PPFIA3: variants seen among roughly 807,000 people sequenced by gnomAD.
PPFIA3 encodes the protein liprin-alpha-3.
PPFIA3 carries 26 observed loss-of-function variants against 145.8 expected under a neutral mutation model. The ratio of observed to expected loss-of-function variants is 0.18; its 90% CI spans 0.13 to 0.25. The LOEUF (loss-of-function observed/expected upper bound fraction) is 0.25. Among genes scored for constraint, PPFIA3 ranks in the 10% least tolerant of loss-of-function variants. The pLI, the probability that PPFIA3 is intolerant of heterozygous loss-of-function variation, is 1.00. For missense variants in PPFIA3, 1,008 were observed against 1,587.8 expected (o/e 0.63, Z 6.21); for synonymous variants, 645 against 661.4 (o/e 0.98, Z 0.38).
At chr19:49,143,978 G>T (rs1177164017) in intron 21 of PPFIA3, among the ~76,000 whole-genome samples, 3 of 151,950 alleles carry the variant, frequency 2.0e-5, no homozygotes, top group South Asian at 2.1e-4. Context: ...TGCCTAAAAA[G>T]AATTTTATAC....
intron 11 of PPFIA3, 67 bp from the exon 12 acceptor site, chr19:49,134,572 G>A: frequency 1.4e-6 from 2 of 1,450,854 alleles, no homozygotes; most frequent in Non-Finnish European, 1.9e-6. Flanking sequence ...TGCACTGGGA[G>A]CTGCCTGCAG....
chr19:49,127,399 A>AAT (rs2041014080), intron 1 of PPFIA3, among the ~76,000 whole-genome samples: 1 of 150,134 alleles, frequency 6.7e-6, no homozygotes. Flanking sequence ...AAAAAAAAAA[A>AAT]AAAAAAAAGA....
chr19:49,129,943 C>G, intron 5 of PPFIA3, 50 bp from the exon 6 acceptor site: 2 of 1,584,076 alleles, frequency 1.3e-6, no homozygotes, highest in Non-Finnish European at 1.7e-6. Context: ...AGAACTAGAG[C>G]TGGGGGTTCA....
Position 49,130,421 on chromosome 19 carries a change from G to A in PPFIA3, c.701G>A (p.Arg234His), listed in dbSNP as rs1235277654. ...GLGPGGDSNR[R>H]TAELEEALER... ...GGTCCTGGCGGGGATTCCAACCGGC[G>A]CACAGCAGAGCTGGAGGAGGCCCTG... Residue 234 changes from arginine to histidine, a missense_variant, in exon 7 of 30, where the codon CGC becomes CAC. Arg to His is a conservative substitution (Grantham distance 29). Coordinates refer to ENST00000334186, the MANE Select transcript of PPFIA3 (RefSeq NM_003660.4). The surrounding 1 kb of genome is among the most constrained non-coding windows in gnomAD (Gnocchi z 4.5). 9.3e-6 allele frequency: 15 copies of A among 1,610,448 alleles called. No individual in the cohort carries two copies. The Admixed American group carries it at 1.8e-4, about 20-fold the overall frequency.
rs1043782915 is a variant in PPFIA3, at chr19:49,133,503, C to T, written c.1161+132C>T. 8.5e-7 allele frequency: 1 copy of T among 1,173,668 alleles called. No individual in the cohort carries two copies. The highest frequency in any genetic ancestry group is 1.2e-6 in the Non-Finnish European group (1 of 861,596). 72.7% of individuals were successfully genotyped at this position (1,173,668 alleles called of 1,614,324 possible). A position where few individuals can be genotyped will look rare whatever the true frequency, so the allele number is the denominator to read the frequency against. Reference sequence around the variant, plus strand: ...TGGGGGAAAGGGTGGGGCCTAGGGGCTGGGAAAGGGACAGGACTTGGAATG... The same window carrying T: ...TGGGGGAAAGGGTGGGGCCTAGGGGTTGGGAAAGGGACAGGACTTGGAATG... On this transcript the variant is annotated intron_variant, in intron 9 of 29. Coordinates refer to ENST00000334186, the MANE Select transcript of PPFIA3 (RefSeq NM_003660.4). This position sits in a 1 kb window ranked among gnomAD's most constrained non-coding sequence, Gnocchi z 7.2.
At chr19:49,139,611 G>A (rs1028758592) in intron 16 of PPFIA3, 57 bp from the exon 17 acceptor site, 2 of 1,503,790 alleles carry the variant, frequency 1.3e-6, no homozygotes, top group East Asian at 4.6e-5. Flanking sequence ...CAGTTAATAA[G>A]GAGCCCCCGA....
In PPFIA3 at chr19:49,149,099, C is replaced by A. The variant is rs750188307; in HGVS notation, c.3216C>A (p.Leu1072=). Residue 1072 remains leucine (L), a synonymous_variant, in exon 26 of 30, where the codon CTC becomes CTA. Coordinates refer to ENST00000334186, the MANE Select transcript of PPFIA3 (RefSeq NM_003660.4). The surrounding 1 kb of genome is among the most constrained non-coding windows in gnomAD (Gnocchi z 5.7). The stretch of plus-strand genomic sequence containing the variant: ...AGAGCGGGGTACACGGGGCACTGCT[C>A]GCCCTGGACGAGACCTTCGACTACT... The part of the protein sequence containing the change: ...LTESGVHGAL[L]ALDETFDYSD... The A allele has an allele frequency of 6.2e-7, 1 of 1,614,158 alleles. No individual in the cohort carries two copies. Among genetic ancestry groups the A allele is most frequent in the South Asian group, 1.1e-5 (1 of 91,078 alleles).
intron 13 of PPFIA3, 111 bp downstream of exon 13, chr19:49,135,026 G>GTTTTT: frequency 1.3e-6 from 1 of 796,550 alleles, no homozygotes; most frequent in Non-Finnish European, 1.8e-6. Flanking sequence ...TGACCCCTCT[G>GTTTTT]TTTTTGTTTT....
chr19:49,133,641 G>T lies in PPFIA3; in HGVS notation c.1162-155G>T, dbSNP rs58971998. Among the ~76,000 whole-genome samples, 44 of 152,202 alleles carry T rather than the reference G, an allele frequency of 2.9e-4. No homozygotes were observed. Among genetic ancestry groups the T allele is most frequent in the African/African-American group, 7.2e-4 (30 of 41,520 alleles). On this transcript the variant is annotated intron_variant, in intron 9 of 29. Transcript: ENST00000334186. The surrounding 1 kb of genome is among the most constrained non-coding windows in gnomAD (Gnocchi z 7.2). The stretch of plus-strand genomic sequence containing the variant: ...GGGAAGGAACAGGTCCTGAAAAAGT[G>T]GACTAGGCGCAGGGGCGGGGCCTGA...
Position 49,130,041 on chromosome 19 carries a change from G to A in PPFIA3, c.631G>A (p.Glu211Lys), listed in dbSNP as rs1288466451. The A allele has an allele frequency of 6.2e-7, 1 of 1,613,280 alleles. No homozygotes were observed. The stretch of plus-strand genomic sequence containing the variant: ...GTCTAGGCGGCGGTCAGGGCTGGAA[G>A]AGCCGGGCAAGGATGGGGATGGGCA... Reference protein sequence around the residue: ...QLSRRRSGLEEPGKDGDGQTL... With the variant: ...QLSRRRSGLEKPGKDGDGQTL... Residue 211 changes from glutamate to lysine, a missense_variant, in exon 6 of 30, where the codon GAG becomes AAG. This residue lies in a region of PPFIA3 where 136 missense variants were observed against 160.7 expected (regional missense o/e 0.85). Transcript: ENST00000334186. This position sits in a 1 kb window ranked among gnomAD's most constrained non-coding sequence, Gnocchi z 4.5.
Position 49,138,087 on chromosome 19 carries a change from C to G in PPFIA3, c.1854-118C>G, listed in dbSNP as rs991477195. 1.0e-5 allele frequency: 14 copies of G among 1,406,022 alleles called. No homozygotes were observed. The African/African-American group carries it at 1.7e-4, about 18-fold the overall frequency. The allele number at this position is 1,406,022 out of a possible 1,614,324, so 87.1% of individuals were successfully genotyped here. ...CCACCAAAGTCCTCTGACGTCATTG[C>G]ACCGTCCCCAGAATTCCCATTGCCC... On this transcript the variant is annotated intron_variant, in intron 15 of 29. Transcript: ENST00000334186.
At chr19:49,137,628 C>CAAAAAAAAAAAAAAAAAAAAAAAAA (rs3032695) in intron 15 of PPFIA3, among the ~76,000 whole-genome samples, 25 of 43,784 alleles carry the variant, frequency 5.7e-4, no homozygotes, top group East Asian at 9.3e-4. Context: ...GACTCCGTGT[C>CAAAAAAAAAAAAAAAAAAAAAAAAA]AAAAAAAAAA....
At chr19:49,136,055 C>G (rs1261903160) in intron 14 of PPFIA3, 132 bp downstream of exon 14, 17 of 1,075,572 alleles carry the variant, frequency 1.6e-5, no homozygotes, top group Admixed American at 1.1e-4. Context: ...ATCCACTCAC[C>G]CTTTCTTCTC....
chr19:49,141,569 A>C, intron 19 of PPFIA3, 56 bp downstream of exon 19: 1 of 1,423,440 alleles, frequency 7.0e-7, no homozygotes, highest in Middle Eastern at 1.8e-4. Context: ...AGAGTGTGTG[A>C]GGGTGTGTGT....
At chr19:49,145,878 A>C (rs1600351172) in intron 21 of PPFIA3, 65 bp from the exon 22 acceptor site, 2 of 1,422,434 alleles carry the variant, frequency 1.4e-6, no homozygotes, top group Non-Finnish European at 9.9e-7. Flanking sequence ...TCAGGAGGAC[A>C]CCCTCCTTCC....
chr19:49,134,073 C>A lies in PPFIA3; in HGVS notation c.1285C>A (p.Arg429=). Residue 429 remains arginine, a synonymous_variant, in exon 11 of 30, where the codon CGG becomes AGG. Transcript: ENST00000334186. The stretch of plus-strand genomic sequence containing the variant: ...GAAGATGAACGATGACCACAATAAG[C>A]GGCTGTCCGAGACGGTGGACAAGCT... ...REKMNDDHNK[R]LSETVDKLLS... is the part of the protein sequence containing the mutation. 1 of 1,613,636 alleles carries A rather than the reference C, an allele frequency of 6.2e-7. No homozygotes were observed. Among genetic ancestry groups the A allele is most frequent in the Non-Finnish European group, 8.5e-7 (1 of 1,179,824 alleles).
rs1327691357 is a variant in PPFIA3 at position 49,128,074 on chromosome 19, G to A, written c.201G>A (p.Lys67=). 1.9e-6 allele frequency: 3 copies of A among 1,590,930 alleles called. No homozygotes were observed. Among genetic ancestry groups the A allele is most frequent in the Non-Finnish European group, 2.5e-6 (3 of 1,176,582 alleles). ...QLRLRELGHE[K]DSLQRQLSIA... ...GGCTGCGCGAGCTCGGCCACGAGAA[G>A]GACTCGCTGCAGCGCCAGCTCAGCA... is the stretch of plus-strand genomic sequence containing the variant. The change falls in exon 2 of 30, where the codon AAG becomes AAA. Residue 67 remains lysine (K), a synonymous_variant. Transcript: ENST00000334186. This position sits in a 1 kb window ranked among gnomAD's most constrained non-coding sequence, Gnocchi z 4.1.
At chr19:49,148,320 G>A in intron 24 of PPFIA3, 62 bp downstream of exon 24, 2 of 1,539,278 alleles carry the variant, frequency 1.3e-6, no homozygotes, top group Non-Finnish European at 1.8e-6. Flanking sequence ...AGAGTCTTTG[G>A]CCAATAGGAT....
At chr19:49,145,017 G>A (rs1382229128) in intron 21 of PPFIA3, among the ~76,000 whole-genome samples, 1 of 148,380 alleles carries the variant, frequency 6.7e-6, no homozygotes, top group Non-Finnish European at 1.5e-5. Flanking sequence ...TGCAACCTCC[G>A]TCTCCCTGGT....
Sources: allele counts gnomAD v4.1 joint callset (sites outside exome capture counted in the v4.1 genomes callset), GRCh38; gene constraint gnomAD v4.1.1; regional missense constraint gnomAD v4.1.1; non-coding constraint Gnocchi (gnomAD v3.1); transcripts MANE v1.5; gene names NCBI Gene and HGNC (gene_info 2026-07-23, HGNC 2026-07-21).